Variants in FAM3B observed in about 807,000 individuals in gnomAD.
The protein encoded by FAM3B is protein FAM3B.
In FAM3B, 29 loss-of-function variants were observed where a neutral mutation model predicts 28.4. That is an observed-to-expected ratio of 1.02 (90% CI 0.76 to 1.39). The LOEUF (loss-of-function observed/expected upper bound fraction) is 1.39. Ranked by LOEUF, FAM3B falls within the 40% of genes most tolerant of loss-of-function variation. FAM3B has a pLI of 0.00. For missense variants in FAM3B, 266 were observed against 293.9 expected (o/e 0.91, Z 0.69); for synonymous variants, 91 against 103.0 (o/e 0.88, Z 0.71).
intron 7 of FAM3B, among the ~76,000 whole-genome samples, chr21:41,354,814 C>T (rs1027085076): frequency 8.9e-5 from 13 of 145,998 alleles, no homozygotes; most frequent in African/African-American, 3.6e-4. Flanking sequence ...CAAACCTGCA[C>T]ATCCTGCACG....
chr21:41,323,681 C>T, intron 2 of FAM3B, among the ~76,000 whole-genome samples: 1 of 152,180 alleles, frequency 6.6e-6, no homozygotes, highest in East Asian at 1.9e-4. Context: ...GCCCCTTTGG[C>T]ACTGATACCC....
chr21:41,331,686 G>A (rs530795034), intron 2 of FAM3B, among the ~76,000 whole-genome samples: 2 of 152,248 alleles, frequency 1.3e-5, no homozygotes, highest in Non-Finnish European at 2.9e-5. Context: ...ATTTATTGAA[G>A]AGACTGTCCT....
At chr21:41,346,982 G>C (rs775292352) in intron 5 of FAM3B, 31 bp from the exon 6 acceptor site, 2 of 1,601,290 alleles carry the variant, frequency 1.2e-6, no homozygotes, top group South Asian at 2.2e-5. Flanking sequence ...GAACAGCAAA[G>C]ACCCTAAAAC....
At chr21:41,334,921 A>T (rs2088940435) in intron 2 of FAM3B, among the ~76,000 whole-genome samples, 1 of 152,236 alleles carries the variant, frequency 6.6e-6, no homozygotes, top group South Asian at 2.1e-4. Context: ...TCCACCCCTC[A>T]CACCAGTGTA....
intron 1 of FAM3B, among the ~76,000 whole-genome samples, chr21:41,311,155 T>C (rs376687416): frequency 2.7e-5 from 4 of 148,886 alleles, no homozygotes; most frequent in Admixed American, 2.0e-4. Flanking sequence ...CAGGAGCTTT[T>C]GTTTCTGAAG....
chr21:41,304,321 G>A, intron 1 of FAM3B: 1 of 456,054 alleles, frequency 2.2e-6, no homozygotes, highest in Non-Finnish European at 4.4e-6. Context: ...GTGAGAGGAC[G>A]CGGGGCTGGC....
At chr21:41,319,217 C>G (rs2088779181) in intron 1 of FAM3B, among the ~76,000 whole-genome samples, 1 of 152,104 alleles carries the variant, frequency 6.6e-6, no homozygotes. Context: ...AGTGAAGCAG[C>G]CAGGACCCTC....
At chr21:41,310,858 A>G (rs1252514125) in intron 1 of FAM3B, among the ~76,000 whole-genome samples, 3 of 152,132 alleles carry the variant, frequency 2.0e-5, no homozygotes, top group African/African-American at 7.2e-5. Flanking sequence ...GGCATGTTTC[A>G]TGTGTTATCC....
intron 6 of FAM3B, 80 bp from the exon 7 acceptor site, chr21:41,348,512 G>A: frequency 2.6e-6 from 4 of 1,549,152 alleles, no homozygotes; most frequent in Non-Finnish European, 3.5e-6. Flanking sequence ...AGGATGCACA[G>A]CGTAACACAT....
intron 2 of FAM3B, among the ~76,000 whole-genome samples, chr21:41,334,816 G>A (rs1196861659): frequency 6.6e-6 from 1 of 152,242 alleles, no homozygotes; most frequent in Admixed American, 6.5e-5. Context: ...GCATGGAAAA[G>A]CCACAGAAAC....
chr21:41,340,631 A>G (rs2088998048), intron 3 of FAM3B, among the ~76,000 whole-genome samples: 1 of 152,228 alleles, frequency 6.6e-6, no homozygotes, highest in African/African-American at 2.4e-5. Flanking sequence ...GTCATATGAA[A>G]TAATTACTTT....
intron 4 of FAM3B, among the ~76,000 whole-genome samples, chr21:41,344,845 G>A (rs1467477414): frequency 2.0e-5 from 3 of 152,220 alleles, no homozygotes; most frequent in African/African-American, 4.8e-5. Context: ...GTCCTGGACT[G>A]AGCCTCTCAT....
In FAM3B at chr21:41,347,009, A is replaced by C. The variant is rs202154015; in HGVS notation, c.398-4A>C. ...CCCTAAAACTGACTTGCATCCCCCA[A>C]TAGATAACTCTGGACCGATGACAAA... On this transcript the variant is annotated splice_polypyrimidine_tract_variant and splice_region_variant and intron_variant, in intron 5 of 7. Transcript: ENST00000357985. 1.2e-6 allele frequency: 2 copies of C among 1,613,910 alleles called. No individual in the cohort carries two copies. The highest frequency in any genetic ancestry group is 4.5e-5 in the East Asian group (2 of 44,874).
At chr21:41,356,028 G>A (rs79060729) in intron 7 of FAM3B, among the ~76,000 whole-genome samples, 2,291 of 138,818 alleles carry the variant, frequency 0.017, 21 homozygotes, top group Non-Finnish European at 0.024. Flanking sequence ...AGGACTCTGG[G>A]AAAAAAATAC....
At chr21:41,310,269 G>A (rs915949435) in intron 1 of FAM3B, among the ~76,000 whole-genome samples, 1 of 151,320 alleles carries the variant, frequency 6.6e-6, no homozygotes, top group Non-Finnish European at 1.5e-5. Context: ...AGTTCCTCTT[G>A]GTGGCACCAC....
At chr21:41,314,343 G>A (rs2123687074), upstream of FAM3B, among the ~76,000 whole-genome samples, 1 of 152,332 alleles carries the variant, frequency 6.6e-6, no homozygotes, top group East Asian at 1.9e-4. Flanking sequence ...AGTCCCCAGA[G>A]TATAGTGTTC....
chr21:41,328,287 C>T (rs576473814), intron 2 of FAM3B, among the ~76,000 whole-genome samples: 1 of 152,230 alleles, frequency 6.6e-6, no homozygotes, highest in East Asian at 1.9e-4. Flanking sequence ...CAGGACACAC[C>T]TACTTTTAAA....
chr21:41,324,099 C>A (rs2088835014), intron 2 of FAM3B, among the ~76,000 whole-genome samples: 1 of 152,174 alleles, frequency 6.6e-6, no homozygotes, highest in African/African-American at 2.4e-5. Context: ...AAAGGCCCCA[C>A]CTCCTAACAC....
At chr21:41,333,378 G>A (rs908355571) in intron 2 of FAM3B, among the ~76,000 whole-genome samples, 4 of 152,122 alleles carry the variant, frequency 2.6e-5, no homozygotes, top group Admixed American at 6.5e-5. Flanking sequence ...GAATGGTTTA[G>A]CACCATCTTC....
Sources: allele counts gnomAD v4.1 joint callset (sites outside exome capture counted in the v4.1 genomes callset), GRCh38; gene constraint gnomAD v4.1.1; transcripts MANE v1.5; gene names NCBI Gene and HGNC (gene_info 2026-07-23, HGNC 2026-07-21).